SIK2: variants seen among roughly 807,000 people sequenced by gnomAD.
SIK2 encodes salt inducible kinase 2, also known as serine/threonine-protein kinase SIK2.
SIK2 carries 29 observed loss-of-function variants against 103.2 expected under a neutral mutation model. That is an observed-to-expected ratio of 0.28 (90% CI 0.21 to 0.38). SIK2 has a LOEUF of 0.38. SIK2 is among the 10% of genes least tolerant of loss of function. The pLI is 1.00. For missense variants in SIK2, 879 were observed against 1,171.0 expected, an observed-to-expected ratio of 0.75 and a Z score of 3.64; for synonymous variants, 412 against 446.1, an observed-to-expected ratio of 0.92 and a Z score of 0.96.
At chr11:111,667,425 A>G (rs1942559986) in intron 3 of SIK2, among the ~76,000 whole-genome samples, 1 of 151,778 alleles carries the variant, frequency 6.6e-6, no homozygotes, top group African/African-American at 2.4e-5. Flanking sequence ...TAACAATAAT[A>G]GGGATCAGTG....
In SIK2 at chr11:111,602,711, G is replaced by C. The variant is rs1351186659; in HGVS notation, c.135+13G>C. ...CACCAAGACGGAGGTGCGGCCCGGG[G>C]CTCGGCGGGAGCGTCCGAGGCGAGG... On this transcript the variant is annotated intron_variant, in intron 1 of 14. Transcript: ENST00000304987. The surrounding 1 kb of genome is among the most constrained non-coding windows in gnomAD (Gnocchi z 4.5). 6.7e-7 allele frequency: 1 copy of C among 1,498,340 alleles called. No individual in the cohort carries two copies. Among genetic ancestry groups the C allele is most frequent in the Non-Finnish European group, 8.9e-7 (1 of 1,121,674 alleles). The allele number at this position is 1,498,340 out of a possible 1,614,324, so 92.8% of individuals were successfully genotyped here. A position where few individuals can be genotyped will look rare whatever the true frequency, so the allele number is the denominator to read the frequency against.
intron 3 of SIK2, among the ~76,000 whole-genome samples, chr11:111,657,787 C>T (rs573862951): frequency 2.6e-5 from 4 of 152,038 alleles, no homozygotes; most frequent in Non-Finnish European, 5.9e-5. Flanking sequence ...GCATGAGCTC[C>T]AGAGTACAGA....
chr11:111,721,718 G>A (rs1943806625), intron 12 of SIK2, 112 bp from the exon 13 acceptor site: 2 of 693,380 alleles, frequency 2.9e-6, no homozygotes, highest in Non-Finnish European at 4.7e-6. Context: ...GTATTAATAA[G>A]TCTCAGTGGA....
chr11:111,710,581 T>G (rs1943468624), intron 8 of SIK2, among the ~76,000 whole-genome samples: 1 of 152,224 alleles, frequency 6.6e-6, no homozygotes, highest in Non-Finnish European at 1.5e-5. Flanking sequence ...CTGCATTCAT[T>G]TTGCAAACTA....
chr11:111,617,469 C>T (rs1489373922), intron 2 of SIK2, among the ~76,000 whole-genome samples: 1 of 152,196 alleles, frequency 6.6e-6, no homozygotes, highest in African/African-American at 2.4e-5. Context: ...CTGGACTCCG[C>T]CTGTACCGGC....
intron 3 of SIK2, among the ~76,000 whole-genome samples, chr11:111,660,452 C>T (rs1210833086): frequency 6.6e-6 from 1 of 152,172 alleles, no homozygotes; most frequent in Admixed American, 6.5e-5. Context: ...GTATATATTA[C>T]ATACTTAGTG....
chr11:111,631,969 C>T (rs997119497), intron 3 of SIK2, among the ~76,000 whole-genome samples: 1 of 152,098 alleles, frequency 6.6e-6, no homozygotes, highest in Admixed American at 6.6e-5. Context: ...TATATTGTAC[C>T]TCATTCCACA....
At chr11:111,682,717 G>T (rs1942792649) in intron 3 of SIK2, among the ~76,000 whole-genome samples, 1 of 152,194 alleles carries the variant, frequency 6.6e-6, no homozygotes, top group African/African-American at 2.4e-5. Flanking sequence ...TTTTATGTAT[G>T]TACAAAACTT....
chr11:111,693,862 A>G (rs1943007522), intron 4 of SIK2, among the ~76,000 whole-genome samples: 1 of 152,240 alleles, frequency 6.6e-6, no homozygotes, highest in Non-Finnish European at 1.5e-5. Flanking sequence ...ATGTAGGGTA[A>G]TAGGTCAGAG....
intron 9 of SIK2, among the ~76,000 whole-genome samples, chr11:111,719,226 C>A (rs1056277013): frequency 3.9e-5 from 6 of 152,068 alleles, no homozygotes; most frequent in African/African-American, 7.2e-5. Flanking sequence ...ACTTTCCATT[C>A]CCCAGGCATA....
chr11:111,625,708 A>G (rs961532102), intron 3 of SIK2, among the ~76,000 whole-genome samples: 16 of 152,184 alleles, frequency 1.1e-4, no homozygotes, highest in African/African-American at 1.4e-4. Flanking sequence ...ACTGGGCCAA[A>G]AGCTAGATTG....
chr11:111,717,738 T>C (rs1254447235), intron 9 of SIK2, among the ~76,000 whole-genome samples: 3 of 152,204 alleles, frequency 2.0e-5, no homozygotes, highest in Admixed American at 6.5e-5. Flanking sequence ...GTGGTACATA[T>C]ACACCATGGA....
chr11:111,605,106 G>T (rs1941632597), intron 1 of SIK2, among the ~76,000 whole-genome samples: 1 of 151,994 alleles, frequency 6.6e-6, no homozygotes, highest in Non-Finnish European at 1.5e-5. Context: ...GGGATTACAG[G>T]CGCTCACCAC....
intron 9 of SIK2, among the ~76,000 whole-genome samples, chr11:111,713,654 G>A (rs1366122771): frequency 2.0e-5 from 3 of 152,150 alleles, no homozygotes; most frequent in Non-Finnish European, 4.4e-5. Context: ...GACAGCGCCA[G>A]GTGCTGAATA....
At chr11:111,614,087 T>TA (rs1941768872) in intron 1 of SIK2, among the ~76,000 whole-genome samples, 1 of 146,148 alleles carries the variant, frequency 6.8e-6, no homozygotes, top group South Asian at 2.2e-4. Context: ...CTCCCCCCAT[T>TA]TTTTTTTTTT....
At chr11:111,683,817 G>A (rs1053938648) in intron 3 of SIK2, among the ~76,000 whole-genome samples, 7 of 152,180 alleles carry the variant, frequency 4.6e-5, no homozygotes, top group African/African-American at 1.4e-4. Flanking sequence ...GACCATGTGC[G>A]TTAACTTGAG....
rs979279881 is a variant in SIK2 at position 111,729,683 on chromosome 11, T to C, written c.*5554T>C. 6 of 152,230 alleles carry C rather than the reference T, an allele frequency of 3.9e-5. No homozygotes were observed. The highest frequency in any genetic ancestry group is 1.4e-4 in the African/African-American group (6 of 41,460). The allele number at this position is 152,230 out of a possible 1,614,324, so 9.4% of individuals were successfully genotyped here. ...AACAGCTGTATAAACAAAGCCCCCA[T>C]TTTGGTCAAGCACAGGGTGAATGTG... On this transcript the variant is annotated 3_prime_UTR_variant, in exon 15 of 15. Transcript: ENST00000304987.
intron 3 of SIK2, among the ~76,000 whole-genome samples, chr11:111,658,421 G>T (rs964768718): frequency 1.3e-5 from 2 of 152,036 alleles, no homozygotes; most frequent in African/African-American, 4.8e-5. Context: ...CCACTGCACT[G>T]GGCCTGGAAA....
intron 1 of SIK2, among the ~76,000 whole-genome samples, chr11:111,604,957 ATTT>A (rs11412519): frequency 6.7e-5 from 9 of 133,908 alleles, no homozygotes; most frequent in Admixed American, 1.5e-4. Context: ...GTTGCTCTGA[ATTT>A]TTTTTTTTTT....
Sources: allele counts gnomAD v4.1 joint callset (sites outside exome capture counted in the v4.1 genomes callset), GRCh38; gene constraint gnomAD v4.1.1; non-coding constraint Gnocchi (gnomAD v3.1); transcripts MANE v1.5; gene names NCBI Gene and HGNC (gene_info 2026-07-23, HGNC 2026-07-21).